The following ZNF236 variants were observed in gnomAD, a reference collection of about 807,000 sequenced individuals.
ZNF236 encodes the protein zinc finger protein 236, also known as regulated by glucose.
ZNF236 carries 50 observed loss-of-function variants against 191.2 expected under a neutral mutation model. That is an observed-to-expected ratio of 0.26 (90% CI 0.21 to 0.33). The LOEUF is 0.33. Among genes scored for constraint, ZNF236 ranks in the 10% least tolerant of loss-of-function variants. ZNF236 has a pLI of 1.00. For synonymous variants in ZNF236, 907 were observed against 928.8 expected (o/e 0.98, Z 0.43); for missense variants, 1,754 against 2,374.5 (o/e 0.74, Z 5.43).
At position 76,939,604 on chromosome 18, in the gene ZNF236, T is replaced by G. The variant is rs151086528; in HGVS notation, c.4782+2261T>G. Among the ~76,000 whole-genome samples, 1,081 of 152,356 alleles carry G rather than the reference T, an allele frequency of 7.1e-3. 5 individuals are homozygous for G. Among genetic ancestry groups the G allele is most frequent in the Middle Eastern group, 0.017 (5 of 294 alleles). ...AATCCAGGTACAGGAGTCTGTACAC[T>G]AACTCAGAGTCATTTGTCTTTCCCA... On this transcript the variant is annotated intron_variant, in intron 26 of 30. Transcript: ENST00000320610.
chr18:76,885,607 G>T, intron 9 of ZNF236: 1 of 182,574 alleles, frequency 5.5e-6, no homozygotes. Context: ...TTCTTCTGCT[G>T]GTCAGAGCAA....
intron 13 of ZNF236, among the ~76,000 whole-genome samples, chr18:76,905,675 G>A (rs1425982328): frequency 6.6e-6 from 1 of 152,102 alleles, no homozygotes; most frequent in East Asian, 1.9e-4. Flanking sequence ...TCTGTAAGCT[G>A]TCTTTTAAAG....
At position 76,956,107 on chromosome 18, in the gene ZNF236, G is replaced by A. The variant is rs559326105; in HGVS notation, c.5037G>A (p.Lys1679=). 1.2e-4 allele frequency: 187 copies of A among 1,584,282 alleles called. 1 individual carries two copies. The East Asian group carries it at 4.0e-3, about 34-fold the overall frequency. ...CGGCGGTGCTCATGCACCACAGCAA[G>A]GAGGTGCATGGCCGGGAGCGCATCC... ...SSAAVLMHHS[K]EVHGRERIHG... Residue 1679 remains lysine (K), a synonymous_variant, in exon 28 of 31, where the codon AAG becomes AAA. Coordinates refer to ENST00000320610, the MANE Select transcript of ZNF236 (RefSeq NM_001306089.2).
intron 13 of ZNF236, 130 bp downstream of exon 13, chr18:76,905,545 G>T: frequency 2.5e-4 from 16 of 63,962 alleles, no homozygotes; most frequent in Non-Finnish European, 4.6e-4. Context: ...ATGGGCTCAA[G>T]AAAAAAAAAA....
At chr18:76,841,324 C>T (rs1324467097) in intron 1 of ZNF236, among the ~76,000 whole-genome samples, 2 of 152,216 alleles carry the variant, frequency 1.3e-5, no homozygotes, top group Admixed American at 6.5e-5. Context: ...CCACCTGCCT[C>T]GGCCTCCCAA....
chr18:76,866,791 A>G (rs527362000), intron 3 of ZNF236, among the ~76,000 whole-genome samples: 8 of 152,214 alleles, frequency 5.3e-5, no homozygotes, highest in African/African-American at 1.7e-4. Context: ...CTTCTTACAG[A>G]AGAACACTTC....
intron 1 of ZNF236, among the ~76,000 whole-genome samples, chr18:76,848,712 C>T (rs1052984202): frequency 6.6e-5 from 10 of 152,194 alleles, no homozygotes; most frequent in African/African-American, 2.4e-4. Flanking sequence ...GTGGCCCAGA[C>T]TGGGGTGCAG....
rs755413667 is a variant in ZNF236, at chr18:76,880,181, G to A, written c.1053G>A (p.Pro351=). ...EAQATSASSQ[P]SSQAVSDVIQ... ...AAGCCACGTCGGCCTCAAGCCAGCC[G>A]AGCTCCCAGGCGGTGAGCGACGTCA... Residue 351 remains proline (P), a synonymous_variant, in exon 8 of 31, where the codon CCG becomes CCA. Transcript: ENST00000320610. This position sits in a 1 kb window ranked among gnomAD's most constrained non-coding sequence, Gnocchi z 5.0. 7 of 1,613,958 alleles carry A rather than the reference G, an allele frequency of 4.3e-6. No individual in the cohort carries two copies. The South Asian group carries it at 4.4e-5, about 10-fold the overall frequency.
rs1309207465 is a variant in ZNF236 at position 76,969,677 on chromosome 18, A to G, written c.*1338A>G. On this transcript the variant is annotated 3_prime_UTR_variant, in exon 31 of 31. Transcript: ENST00000320610. ...TCTCTCGTTGCCTCCTTGGTTTCAGAAGAGAGTAGTTTTATTATAAATATT... is the reference window on the plus strand; with the variant it reads ...TCTCTCGTTGCCTCCTTGGTTTCAGGAGAGAGTAGTTTTATTATAAATATT... 2 of 152,388 alleles carry G rather than the reference A, an allele frequency of 1.3e-5. No homozygotes were observed. The highest frequency in any genetic ancestry group is 3.8e-4 in the East Asian group (2 of 5,196). 9.4% of individuals were successfully genotyped at this position (152,388 alleles called of 1,614,324 possible). A position where few individuals can be genotyped will look rare whatever the true frequency, so the allele number is the denominator to read the frequency against.
intron 9 of ZNF236, among the ~76,000 whole-genome samples, chr18:76,892,956 T>G (rs987576592): frequency 6.6e-6 from 1 of 152,266 alleles, no homozygotes; most frequent in African/African-American, 2.4e-5. Context: ...TTTCCATTTG[T>G]CAGAGTTGGA....
intron 10 of ZNF236, among the ~76,000 whole-genome samples, chr18:76,898,400 A>C (rs1977497110): frequency 6.6e-6 from 1 of 152,244 alleles, no homozygotes; most frequent in African/African-American, 2.4e-5. Flanking sequence ...AATGTGGATG[A>C]GTATTTGACA....
At chr18:76,912,392 G>A in intron 17 of ZNF236, 45 bp downstream of exon 17, 1 of 1,446,976 alleles carries the variant, frequency 6.9e-7, no homozygotes, top group Non-Finnish European at 9.7e-7. Flanking sequence ...CGGCTCCCAG[G>A]AACGGATGCT....
At chr18:76,949,325 A>G (rs770476478) in intron 27 of ZNF236, among the ~76,000 whole-genome samples, 5 of 152,224 alleles carry the variant, frequency 3.3e-5, no homozygotes, top group African/African-American at 4.8e-5. Flanking sequence ...CTATGTTAAG[A>G]TTAGTTTGAA....
intron 11 of ZNF236, among the ~76,000 whole-genome samples, chr18:76,902,781 G>A (rs938813645): frequency 6.8e-6 from 1 of 147,624 alleles, no homozygotes; most frequent in Non-Finnish European, 1.5e-5. Flanking sequence ...AGTAGAGACG[G>A]GGTTTCTGCA....
At chr18:76,837,143 C>CCCCCCCCCCG (rs1975358526) in intron 1 of ZNF236, among the ~76,000 whole-genome samples, 2 of 125,872 alleles carry the variant, frequency 1.6e-5, no homozygotes, top group South Asian at 3.6e-4. Context: ...CCCCCCCGCC[C>CCCCCCCCCCG]CGCAAGCCTC....
intron 2 of ZNF236, among the ~76,000 whole-genome samples, chr18:76,850,214 A>G (rs2122507642): frequency 6.6e-6 from 1 of 152,346 alleles, no homozygotes; most frequent in Non-Finnish European, 1.5e-5. Flanking sequence ...AGTTAAAACT[A>G]TAATTAAAAA....
Position 76,904,431 on chromosome 18 carries a change from A to C in ZNF236, c.1946A>C (p.Asn649Thr). 1 of 1,610,436 alleles carries C rather than the reference A, an allele frequency of 6.2e-7. No homozygotes were observed. The highest frequency in any genetic ancestry group is 1.1e-5 in the South Asian group (1 of 90,520). The change falls in exon 12 of 31, where the codon AAT becomes ACT. Residue 649 changes from asparagine (N) to threonine (T), a missense_variant. This residue lies in a region of ZNF236 where 641 missense variants were observed against 869.6 expected (regional missense o/e 0.74). Coordinates refer to ENST00000320610, the MANE Select transcript of ZNF236 (RefSeq NM_001306089.2). ...KNQFFQSYFN[N>T]NFVNEADRPY... ...CAGTTTTTCCAAAGCTATTTCAATA[A>C]TAATTTTGTCAATGAAGCAGATAGA...
chr18:76,843,983 T>C (rs1347000731), intron 1 of ZNF236, among the ~76,000 whole-genome samples: 1 of 151,616 alleles, frequency 6.6e-6, no homozygotes, highest in Non-Finnish European at 1.5e-5. Flanking sequence ...CCGGGTGCAG[T>C]GTCTCACGCC....
intron 30 of ZNF236, among the ~76,000 whole-genome samples, chr18:76,964,602 C>T (rs1183154641): frequency 6.6e-6 from 1 of 152,114 alleles, no homozygotes; most frequent in South Asian, 2.1e-4. Context: ...TAGTTTAAAT[C>T]CATTTTTTCT....
Sources: allele counts gnomAD v4.1 joint callset (sites outside exome capture counted in the v4.1 genomes callset), GRCh38; gene constraint gnomAD v4.1.1; regional missense constraint gnomAD v4.1.1; non-coding constraint Gnocchi (gnomAD v3.1); transcripts MANE v1.5; gene names NCBI Gene and HGNC (gene_info 2026-07-23, HGNC 2026-07-21).